Variants in SLC2A5 observed in about 807,000 individuals in gnomAD.
SLC2A5 encodes solute carrier family 2 member 5, also known as solute carrier family 2, facilitated glucose transporter member 5.
In SLC2A5, 56 loss-of-function variants were observed where a neutral mutation model predicts 50.3. That is an observed-to-expected ratio of 1.11 (90% CI 0.90 to 1.39). The LOEUF (loss-of-function observed/expected upper bound fraction) is 1.39. Among genes scored for constraint, SLC2A5 ranks in the 40% most tolerant of loss-of-function variants. The pLI is 0.00. For synonymous variants in SLC2A5, 269 were observed against 281.9 expected (o/e 0.95, Z 0.46); for missense variants, 566 against 650.1 (o/e 0.87, Z 1.41).
intron 2 of SLC2A5, among the ~76,000 whole-genome samples, chr1:9,081,761 A>T (rs1008292570): frequency 2.0e-5 from 3 of 152,160 alleles, no homozygotes; most frequent in Non-Finnish European, 4.4e-5. Context: ...TAGGATGGCT[A>T]TCATACTTAA....
At chr1:9,050,725 A>C (rs1641549482) in intron 3 of SLC2A5, among the ~76,000 whole-genome samples, 1 of 152,204 alleles carries the variant, frequency 6.6e-6, no homozygotes. Flanking sequence ...CCTTAAAATG[A>C]AAGACAGAAG....
At chr1:9,088,657 C>T (rs1170793912), upstream of SLC2A5, among the ~76,000 whole-genome samples, 1 of 152,170 alleles carries the variant, frequency 6.6e-6, no homozygotes, top group Non-Finnish European at 1.5e-5. Context: ...GTGGCGGGTG[C>T]CTGTAGTCCC....
Position 9,058,142 on chromosome 1 carries a change from A to G in SLC2A5, c.132+10T>C, listed in dbSNP as rs1032958426. The stretch of plus-strand genomic sequence containing the variant: ...GTCCTCCCCACATCTTGCTCACCAC[A>G]GTGACCTACCAGTGCTGGGGAGTTG... On this transcript the variant is annotated intron_variant, in intron 2 of 11. Coordinates refer to ENST00000377424, the MANE Select transcript of SLC2A5 (RefSeq NM_003039.3). 6.2e-6 allele frequency: 10 copies of G among 1,601,274 alleles called. No homozygotes were observed. The highest frequency in any genetic ancestry group is 1.7e-5 in the Admixed American group (1 of 59,994).
At chr1:9,070,142 A>T (rs1353353045), upstream of SLC2A5, among the ~76,000 whole-genome samples, 1 of 126,632 alleles carries the variant, frequency 7.9e-6, no homozygotes, top group Non-Finnish European at 1.5e-5. Context: ...GTGCAGTGGC[A>T]TGATCTCAGC....
At chr1:9,074,236 A>T (rs547144224), upstream of SLC2A5, among the ~76,000 whole-genome samples, 9 of 152,310 alleles carry the variant, frequency 5.9e-5, no homozygotes, top group South Asian at 1.0e-3. Context: ...TAAACCAAAA[A>T]GTATCTGAGA....
chr1:9,062,000 C>T (rs1017800198), intron 1 of SLC2A5, among the ~76,000 whole-genome samples: 2 of 152,218 alleles, frequency 1.3e-5, no homozygotes, highest in Admixed American at 6.5e-5. Flanking sequence ...TTCACTGCCT[C>T]CCTGAATTCA....
chr1:9,042,314 G>A (rs189984903), intron 4 of SLC2A5, among the ~76,000 whole-genome samples: 26 of 152,246 alleles, frequency 1.7e-4, no homozygotes, highest in African/African-American at 6.3e-4. Context: ...TTCAGCACTT[G>A]GGGAGGCTAA....
intron 1 of SLC2A5, among the ~76,000 whole-genome samples, chr1:9,066,232 CTT>C (rs887451078): frequency 6.6e-6 from 1 of 151,874 alleles, no homozygotes; most frequent in Non-Finnish European, 1.5e-5. Context: ...TTCAACAATC[CTT>C]TGTTTTTTTT....
intron 1 of SLC2A5, among the ~76,000 whole-genome samples, chr1:9,060,648 A>AC (rs1445075489): frequency 1.5e-5 from 1 of 66,218 alleles, no homozygotes; most frequent in African/African-American, 5.9e-5. Context: ...CAGCCCACAC[A>AC]CCCCCCACAC....
chr1:9,044,308 G>C (rs1641385174), intron 4 of SLC2A5, among the ~76,000 whole-genome samples: 1 of 151,866 alleles, frequency 6.6e-6, no homozygotes, highest in Non-Finnish European at 1.5e-5. Context: ...TCCAGCCTGG[G>C]CAACTAAGCA....
At position 9,039,791 on chromosome 1, in the gene SLC2A5, G is replaced by A. The variant is rs367787656; in HGVS notation, c.885+9C>T. 8.5e-6 allele frequency: 13 copies of A among 1,522,878 alleles called. No individual in the cohort carries two copies. In the African/African-American group the frequency reaches 1.4e-4, roughly 16 times the overall value. The allele number at this position is 1,522,878 out of a possible 1,614,324, so 94.3% of individuals were successfully genotyped here. The stretch of plus-strand genomic sequence containing the variant: ...CTCCCCAGCTCCCGAGCCGCAGCCC[G>A]GCCCATACAGCGTTGACGCCCGACA... On this transcript the variant is annotated intron_variant, in intron 7 of 11. Coordinates refer to ENST00000377424, the MANE Select transcript of SLC2A5 (RefSeq NM_003039.3).
Position 9,057,470 on chromosome 1 carries a change from G to A in SLC2A5, c.271C>T (p.Pro91Ser). The change falls in exon 3 of 12, where the codon CCC becomes TCC. Residue 91 changes from proline (P) to serine (S), a missense_variant. Coordinates refer to ENST00000377424, the MANE Select transcript of SLC2A5 (RefSeq NM_003039.3). ...TACCTGCCAAATTTATTCACCAAGG[G>A]GCCGACCAGGAGGGATCCGATAAAC... Reference protein sequence around the residue: ...GGFIGSLLVGPLVNKFGRKGA... With the variant: ...GGFIGSLLVGSLVNKFGRKGA... The A allele has an allele frequency of 6.2e-7, 1 of 1,612,068 alleles. No homozygotes were observed. Among genetic ancestry groups the A allele is most frequent in the Non-Finnish European group, 8.5e-7 (1 of 1,179,236 alleles).
Position 9,040,163 on chromosome 1 carries a change from CG to C in SLC2A5, c.597del (p.Val201SerfsTer21). On this transcript the variant is annotated frameshift_variant, in exon 6 of 12. Coordinates refer to ENST00000377424, the MANE Select transcript of SLC2A5 (RefSeq NM_003039.3). LOFTEE classifies it high-confidence loss of function. This position sits in a 1 kb window ranked among gnomAD's most constrained non-coding sequence, Gnocchi z 4.3. Reference protein sequence around the residue: ...VDGWPILLGLTGVPAALQLLL... With the variant: ...VDGWPILLGLXGVPAALQLLL... ...AGGAGCTGCAGCGCCGCGGGGACCC[CG>C]GTCAGCCCCAGCAGGATCGGCCAGC... 3.9e-6 allele frequency: 6 copies of C among 1,556,128 alleles called. No homozygotes were observed. Among genetic ancestry groups the C allele is most frequent in the Non-Finnish European group, 5.2e-6 (6 of 1,151,068 alleles).
In SLC2A5 at chr1:9,055,380, G is replaced by A. The variant is rs773282267; in HGVS notation, c.293+2068C>T. On this transcript the variant is annotated intron_variant, in intron 3 of 11. Transcript: ENST00000377424. ...AAGATACAAAAAATTAGCTGGGTGT[G>A]GTGGCATGCGCCTGTAATCCCAGCT... Among the ~76,000 whole-genome samples, 5 of 152,162 alleles carry A rather than the reference G, an allele frequency of 3.3e-5. No homozygotes were observed. The South Asian group carries it at 1.0e-3, about 32-fold the overall frequency.
intron 1 of SLC2A5, among the ~76,000 whole-genome samples, chr1:9,059,206 A>C (rs1203058490): frequency 7.9e-6 from 1 of 127,000 alleles, no homozygotes; most frequent in Non-Finnish European, 1.6e-5. Context: ...GCAGTGGCGC[A>C]ATCTCGGCTC....
At chr1:9,092,580 T>C (rs1642470777), upstream of SLC2A5, among the ~76,000 whole-genome samples, 1 of 152,172 alleles carries the variant, frequency 6.6e-6, no homozygotes, top group Non-Finnish European at 1.5e-5. Context: ...ATTTTACCCA[T>C]ATGCCCCCAG....
rs936468724 is a variant in SLC2A5, at chr1:9,063,885, C to T, written c.33+5619G>A. Among the ~76,000 whole-genome samples, 36 of 143,652 alleles carry T rather than the reference C, an allele frequency of 2.5e-4. 1 individual carries two copies. The highest frequency in any genetic ancestry group is 9.0e-4 in the African/African-American group (33 of 36,510). The allele number at this position is 143,652 out of a possible 152,430, so 94.2% of individuals were successfully genotyped here. A position where few individuals can be genotyped will look rare whatever the true frequency, so the allele number is the denominator to read the frequency against. On this transcript the variant is annotated intron_variant, in intron 1 of 11. Transcript: ENST00000377424. ...TAATTTTTTGTATTTTTAGTAGAGA[C>T]GGGGTTTCACCGTGTTAGCCAGGAT... is the stretch of plus-strand genomic sequence containing the variant.
chr1:9,040,046 C>A lies in SLC2A5; in HGVS notation c.697+18G>T, dbSNP rs1450973713. On this transcript the variant is annotated intron_variant, in intron 6 of 11. Coordinates refer to ENST00000377424, the MANE Select transcript of SLC2A5 (RefSeq NM_003039.3). This position sits in a 1 kb window ranked among gnomAD's most constrained non-coding sequence, Gnocchi z 4.3. ...GGGAGCAGAACCTGGAGGCCGCCCC[C>A]GCCAGAGCCCTCGTTACCTTTCTTG... 5.7e-6 allele frequency: 9 copies of A among 1,583,954 alleles called. No homozygotes were observed. Among genetic ancestry groups the A allele is most frequent in the Non-Finnish European group, 7.7e-6 (9 of 1,162,076 alleles).
upstream of SLC2A5, among the ~76,000 whole-genome samples, chr1:9,071,166 T>C (rs1052096340): frequency 6.6e-6 from 1 of 152,130 alleles, no homozygotes; most frequent in Admixed American, 6.5e-5. Flanking sequence ...TCCCAGCACC[T>C]GGGGAAGCCA....
Sources: allele counts gnomAD v4.1 joint callset (sites outside exome capture counted in the v4.1 genomes callset), GRCh38; gene constraint gnomAD v4.1.1; non-coding constraint Gnocchi (gnomAD v3.1); transcripts MANE v1.5; gene names NCBI Gene and HGNC (gene_info 2026-07-23, HGNC 2026-07-21).